Variants in FRMPD4 observed in about 807,000 individuals in gnomAD.
FRMPD4 encodes FERM and PDZ domain containing 4.
FRMPD4 carries 22 observed loss-of-function variants against 94.1 expected under a neutral mutation model. The ratio of observed to expected loss-of-function variants is 0.23; its 90% CI spans 0.17 to 0.33. The LOEUF is 0.33. FRMPD4 is among the 10% of genes least tolerant of loss of function. FRMPD4 has a pLI of 1.00. For synonymous variants in FRMPD4, 631 were observed against 548.6 expected, an observed-to-expected ratio of 1.15 and a Z score of -2.10; for missense variants, 1,111 against 1,339.9, an observed-to-expected ratio of 0.83 and a Z score of 2.67.
chrX:12,063,163 A>G (rs1305483438), intron 3 of FRMPD4, among the ~76,000 whole-genome samples: 1 of 111,576 alleles, frequency 9.0e-6, no homozygotes, highest in Non-Finnish European at 1.9e-5. Flanking sequence ...GGAGCCCAGG[A>G]GTTTGAGACC....
intron 1 of FRMPD4, among the ~76,000 whole-genome samples, chrX:12,350,992 G>A (rs1351441030): frequency 9.0e-6 from 1 of 111,427 alleles, no homozygotes; most frequent in Non-Finnish European, 1.9e-5. Context: ...TGGCCAACAT[G>A]GTGAAACCCC....
intron 2 of FRMPD4, among the ~76,000 whole-genome samples, chrX:12,577,620 C>A (rs2058824714): frequency 9.0e-6 from 1 of 110,843 alleles, no homozygotes; most frequent in African/African-American, 3.3e-5. Flanking sequence ...TTGGATGGGA[C>A]CAAGGGCTAA....
chrX:12,261,340 C>A (rs1194295011), intron 1 of FRMPD4, among the ~76,000 whole-genome samples: 7 of 111,834 alleles, frequency 6.3e-5, no homozygotes, highest in Non-Finnish European at 1.3e-4. Flanking sequence ...TTGCCTGATT[C>A]TCTGGGCTAT....
At position 12,334,364 on chromosome X, in the gene FRMPD4, T is replaced by C. The variant is rs575102794; in HGVS notation, c.42-164316T>C. ...TGTCAGGGCCAGGCCATCTATCTGG[T>C]GCTGGAAATCATCTCTACCTCAATA... On this transcript the variant is annotated intron_variant, in intron 1 of 16. Transcript: ENST00000675598. Among the ~76,000 whole-genome samples the C allele has an allele frequency of 8.8e-4, 98 of 111,628 alleles. No homozygotes were observed. The South Asian group carries it at 0.012, about 14-fold the overall frequency.
chrX:12,440,483 G>A (rs1253257055), intron 1 of FRMPD4, among the ~76,000 whole-genome samples: 1 of 111,710 alleles, frequency 9.0e-6, no homozygotes, highest in Non-Finnish European at 1.9e-5. Flanking sequence ...CCTGCAGGGA[G>A]CTCTGGGATG....
intron 1 of FRMPD4, among the ~76,000 whole-genome samples, chrX:12,381,695 G>A (rs975764671): frequency 3.6e-5 from 4 of 112,053 alleles, no homozygotes; most frequent in Non-Finnish European, 7.5e-5. Flanking sequence ...TCTGGCTATG[G>A]TCAAATTATA....
intron 1 of FRMPD4, among the ~76,000 whole-genome samples, chrX:12,228,146 T>C (rs1022336297): frequency 4.5e-5 from 5 of 112,211 alleles, no homozygotes; most frequent in Non-Finnish European, 7.5e-5. Context: ...TTTGGCCAAA[T>C]ACATTTTGAA....
intron 3 of FRMPD4, among the ~76,000 whole-genome samples, chrX:11,956,668 T>A (rs762529433): frequency 8.9e-6 from 1 of 112,709 alleles, no homozygotes; most frequent in East Asian, 2.8e-4. Flanking sequence ...CATTCTTCTG[T>A]ACCAGTTGTA....
intron 1 of FRMPD4, among the ~76,000 whole-genome samples, chrX:12,339,834 C>T (rs2055584143): frequency 9.0e-6 from 1 of 111,662 alleles, no homozygotes; most frequent in African/African-American, 3.3e-5. Context: ...CCAGGCTGGT[C>T]TCGATCTCCT....
chrX:12,538,806 C>T (rs1372094937), intron 2 of FRMPD4, among the ~76,000 whole-genome samples: 2 of 111,807 alleles, frequency 1.8e-5, no homozygotes, highest in Non-Finnish European at 1.9e-5. Context: ...CCCATCTGTA[C>T]GTCACCATCA....
At chrX:12,480,881 T>C (rs1202055851) in intron 1 of FRMPD4, among the ~76,000 whole-genome samples, 1 of 112,240 alleles carries the variant, frequency 8.9e-6, no homozygotes, top group Non-Finnish European at 1.9e-5. Context: ...ATATTTTCCC[T>C]AAATAAACTT....
intron 1 of FRMPD4, among the ~76,000 whole-genome samples, chrX:12,198,512 A>G (rs887879883): frequency 8.9e-6 from 1 of 112,088 alleles, no homozygotes; most frequent in African/African-American, 3.2e-5. Context: ...GATTGTACCC[A>G]GCTCCCAGGT....
chrX:12,378,878 G>A (rs887323800), intron 1 of FRMPD4, among the ~76,000 whole-genome samples: 3 of 111,816 alleles, frequency 2.7e-5, no homozygotes, highest in African/African-American at 9.8e-5. Flanking sequence ...GGTGAAAAGC[G>A]AAGTTTTGAC....
intron 1 of FRMPD4, among the ~76,000 whole-genome samples, chrX:11,858,407 A>G (rs984603137): frequency 2.7e-5 from 3 of 111,418 alleles, no homozygotes; most frequent in East Asian, 2.8e-4. Flanking sequence ...TTGCAGGGAC[A>G]TGGATGGAGC....
At chrX:12,617,120 A>G (rs907781581) in intron 4 of FRMPD4, among the ~76,000 whole-genome samples, 27 of 112,525 alleles carry the variant, frequency 2.4e-4, no homozygotes, top group African/African-American at 7.7e-4. Flanking sequence ...AGAACTTTAC[A>G]TATAACAAAA....
Position 12,138,922 on chromosome X carries a change from G to T in FRMPD4, c.-50G>T. 1 of 1,069,396 alleles carries T rather than the reference G, an allele frequency of 9.4e-7. No homozygotes were observed. The highest frequency in any genetic ancestry group is 1.2e-6 in the Non-Finnish European group (1 of 803,263). 88.1% of individuals were successfully genotyped at this position (1,069,396 alleles called of 1,213,427 possible). The stretch of plus-strand genomic sequence containing the variant: ...GGCTGCGGAGGCTGCTGTTGCTGGC[G>T]TGAGAAGGGGCGACGGAGTTGTCGC... On this transcript the variant is annotated 5_prime_UTR_variant, in exon 1 of 17. Transcript: ENST00000675598.
At chrX:11,988,723 C>T (rs1235933892) in intron 3 of FRMPD4, among the ~76,000 whole-genome samples, 1 of 111,391 alleles carries the variant, frequency 9.0e-6, no homozygotes. Context: ...AATTAATAAC[C>T]AGAATACATA....
intron 1 of FRMPD4, among the ~76,000 whole-genome samples, chrX:12,343,591 G>A (rs1168175316): frequency 3.6e-5 from 4 of 112,017 alleles, no homozygotes; most frequent in Non-Finnish European, 7.5e-5. Flanking sequence ...AACAGGTCAG[G>A]ATTGATCAGG....
intron 1 of FRMPD4, among the ~76,000 whole-genome samples, chrX:12,429,896 T>G (rs2056992494): frequency 8.9e-6 from 1 of 111,967 alleles, no homozygotes; most frequent in Non-Finnish European, 1.9e-5. Context: ...GCTAGCTTGC[T>G]CTTCTGCCAT....
Sources: allele counts gnomAD v4.1 joint callset (sites outside exome capture counted in the v4.1 genomes callset), GRCh38; gene constraint gnomAD v4.1.1; transcripts MANE v1.5; gene names NCBI Gene and HGNC (gene_info 2026-07-23, HGNC 2026-07-21).